Variants in HIVEP3 observed in about 807,000 individuals in gnomAD.
HIVEP3 encodes the protein HIVEP zinc finger 3, also known as transcription factor HIVEP3.
Under a neutral mutation model 152.8 loss-of-function variants are expected in HIVEP3, and 49 were observed. That is an observed-to-expected ratio of 0.32 (90% CI 0.26 to 0.41). The LOEUF (loss-of-function observed/expected upper bound fraction) is 0.41, where lower values mean the gene tolerates loss of function less well. Among genes scored for constraint, HIVEP3 ranks in the 10% least tolerant of loss-of-function variants. The probability of loss-of-function intolerance (pLI) is 1.00; values close to 1 mark genes in which losing one functional copy is unlikely to be tolerated. For synonymous variants in HIVEP3, 1,269 were observed against 1,289.0 expected, an observed-to-expected ratio of 0.98 and a Z score of 0.33; for missense variants, 2,790 against 3,103.3, an observed-to-expected ratio of 0.90 and a Z score of 2.40.
chr1:41,555,470 GC>G (rs1244000815), intron 5 of HIVEP3, among the ~76,000 whole-genome samples: 1 of 152,222 alleles, frequency 6.6e-6, no homozygotes, highest in Non-Finnish European at 1.5e-5. Flanking sequence ...GCGATGCCCT[GC>G]CCTGCTTCAG....
intron 1 of HIVEP3, among the ~76,000 whole-genome samples, chr1:41,819,475 T>C (rs1642522551): frequency 6.6e-6 from 1 of 152,210 alleles, no homozygotes; most frequent in African/African-American, 2.4e-5. Context: ...TTTTTCTTAC[T>C]TCTTGATTTG....
At chr1:41,839,634 C>T (rs11806252) in intron 1 of HIVEP3, among the ~76,000 whole-genome samples, 3 of 152,136 alleles carry the variant, frequency 2.0e-5, no homozygotes, top group African/African-American at 7.2e-5. Flanking sequence ...GCATGGGATG[C>T]TCTGTGTGTG....
chr1:41,779,190 C>G (rs349428), intron 1 of HIVEP3, among the ~76,000 whole-genome samples: 32,443 of 152,034 alleles, frequency 0.21, 8,489 homozygotes, highest in African/African-American at 0.62. Context: ...AGGTGCATCT[C>G]TCTGTTCTCC....
Position 41,726,547 on chromosome 1 carries a change from T to C in HIVEP3, c.-800-25552A>G, listed in dbSNP as rs1324518903. On this transcript the variant is annotated intron_variant, in intron 1 of 8. Transcript: ENST00000372583. ...GGGTTAGGAAACTCCCAGTGTCACA[T>C]AGATAGCAAGTGGCCTCACCACGAT... is the stretch of plus-strand genomic sequence containing the variant. 2.0e-5 allele frequency among the ~76,000 whole-genome samples: 3 copies of C among 152,174 alleles called. No homozygotes were observed. The East Asian group carries it at 5.8e-4, about 29-fold the overall frequency.
At chr1:41,782,051 G>A (rs1431789779) in intron 1 of HIVEP3, among the ~76,000 whole-genome samples, 2 of 152,186 alleles carry the variant, frequency 1.3e-5, no homozygotes, top group South Asian at 2.1e-4. Flanking sequence ...CAACCCAGGC[G>A]TCCAACCTTT....
chr1:41,750,725 G>A (rs1397880817), intron 1 of HIVEP3, among the ~76,000 whole-genome samples: 2 of 136,722 alleles, frequency 1.5e-5, no homozygotes, highest in East Asian at 4.2e-4. Flanking sequence ...TTTGACACGC[G>A]TCTCGCTCTG....
intron 1 of HIVEP3, among the ~76,000 whole-genome samples, chr1:41,896,754 T>C (rs1644535157): frequency 1.3e-5 from 2 of 152,014 alleles, no homozygotes; most frequent in South Asian, 4.1e-4. Context: ...TTTTGTATTT[T>C]TAGTAGAGAT....
chr1:41,795,518 G>T (rs1271295389), intron 1 of HIVEP3, among the ~76,000 whole-genome samples: 11 of 152,162 alleles, frequency 7.2e-5, no homozygotes, highest in Non-Finnish European at 1.6e-4. Flanking sequence ...TCTATTATTT[G>T]GAAGTGAGTC....
intron 1 of HIVEP3, among the ~76,000 whole-genome samples, chr1:41,909,419 C>T (rs541101565): frequency 6.6e-6 from 1 of 152,130 alleles, no homozygotes; most frequent in African/African-American, 2.4e-5. Context: ...ATTCAATTCA[C>T]CAGAAAGATA....
At chr1:41,725,194 C>A (rs923435649) in intron 1 of HIVEP3, among the ~76,000 whole-genome samples, 6 of 152,160 alleles carry the variant, frequency 3.9e-5, no homozygotes, top group Admixed American at 6.5e-5. Context: ...ATAAGAGGCA[C>A]CTCTCATGCT....
chr1:41,666,569 T>A (rs1645799115), intron 2 of HIVEP3, among the ~76,000 whole-genome samples: 1 of 152,168 alleles, frequency 6.6e-6, no homozygotes, highest in Admixed American at 6.5e-5. Flanking sequence ...TGTCCTCCCA[T>A]ATGGTGACTC....
intron 1 of HIVEP3, among the ~76,000 whole-genome samples, chr1:41,977,706 G>T (rs1182348907): frequency 6.6e-6 from 1 of 152,334 alleles, no homozygotes; most frequent in Non-Finnish European, 1.5e-5. Context: ...AGGACCAGAT[G>T]CTGTGAGACC....
chr1:41,628,997 T>A, intron 2 of HIVEP3, 50 bp from the exon 3 acceptor site: 1 of 1,205,918 alleles, frequency 8.3e-7, no homozygotes, highest in Non-Finnish European at 1.0e-6. Context: ...TTGGTCAACT[T>A]TTTTAGACAC....
chr1:41,731,193 T>C (rs1187969449), intron 1 of HIVEP3, among the ~76,000 whole-genome samples: 14 of 151,922 alleles, frequency 9.2e-5, no homozygotes, highest in Non-Finnish European at 5.9e-5. Flanking sequence ...GTAAGTTGGA[T>C]AAAGGGGCTG....
At chr1:41,771,900 C>T (rs761757664) in intron 1 of HIVEP3, among the ~76,000 whole-genome samples, 5 of 152,074 alleles carry the variant, frequency 3.3e-5, no homozygotes, top group African/African-American at 4.8e-5. Flanking sequence ...TTCCTGATCT[C>T]GTGATCCGCC....
At chr1:41,825,358 G>C (rs1558303065) in intron 1 of HIVEP3, among the ~76,000 whole-genome samples, 1 of 152,074 alleles carries the variant, frequency 6.6e-6, no homozygotes, top group Non-Finnish European at 1.5e-5. Context: ...ACAAGGGCGG[G>C]GGAATGTCAC....
intron 1 of HIVEP3, among the ~76,000 whole-genome samples, chr1:41,759,590 T>C (rs957897183): frequency 1.3e-5 from 2 of 152,210 alleles, no homozygotes; most frequent in African/African-American, 4.8e-5. Context: ...ATGGTAACTC[T>C]ATGTTTAACT....
chr1:41,681,858 T>C (rs1029211887), intron 2 of HIVEP3, among the ~76,000 whole-genome samples: 5 of 152,200 alleles, frequency 3.3e-5, no homozygotes, highest in Non-Finnish European at 4.4e-5. Flanking sequence ...ATGTTCTTTC[T>C]GACTATGTGC....
At chr1:41,617,033 C>T (rs375695935) in intron 3 of HIVEP3, among the ~76,000 whole-genome samples, 1 of 152,326 alleles carries the variant, frequency 6.6e-6, no homozygotes, top group African/African-American at 2.4e-5. Context: ...TGAACCCTGG[C>T]TGTCTGTCTT....
Sources: allele counts gnomAD v4.1 joint callset (sites outside exome capture counted in the v4.1 genomes callset), GRCh38; gene constraint gnomAD v4.1.1; transcripts MANE v1.5; gene names NCBI Gene and HGNC (gene_info 2026-07-23, HGNC 2026-07-21).